RELN: variants seen among roughly 807,000 people sequenced by gnomAD.
RELN encodes the protein reelin.
Under a neutral mutation model 427.6 loss-of-function variants are expected in RELN, and 108 were observed. The observed-to-expected ratio is 0.25, with a 90% CI of 0.22 to 0.30. RELN has a LOEUF of 0.30. Among genes scored for constraint, RELN ranks in the 10% least tolerant of loss-of-function variants. The pLI, the probability that RELN is intolerant of heterozygous loss-of-function variation, is 1.00. For missense variants in RELN, 3,715 were observed against 4,302.8 expected (o/e 0.86, Z 3.82); for synonymous variants, 1,524 against 1,513.4 (o/e 1.01, Z -0.16).
intron 3 of RELN, among the ~76,000 whole-genome samples, chr7:103,823,756 T>C (rs1793064671): frequency 6.6e-6 from 1 of 152,262 alleles, no homozygotes; most frequent in African/African-American, 2.4e-5. Flanking sequence ...CTATTAATTA[T>C]TGTATCATAC....
chr7:103,933,424 G>A (rs1256754612), intron 1 of RELN, among the ~76,000 whole-genome samples: 2 of 145,062 alleles, frequency 1.4e-5, no homozygotes, highest in Admixed American at 7.2e-5. Flanking sequence ...GCCAGGCATA[G>A]TCACTCATGC....
intron 2 of RELN, among the ~76,000 whole-genome samples, chr7:103,875,146 G>C (rs1794448753): frequency 6.8e-6 from 1 of 146,864 alleles, no homozygotes; most frequent in South Asian, 2.4e-4. Context: ...GGGAAAACTG[G>C]CTAGCCATAT....
intron 2 of RELN, among the ~76,000 whole-genome samples, chr7:103,885,424 C>A (rs1794703714): frequency 6.6e-6 from 1 of 152,076 alleles, no homozygotes; most frequent in African/African-American, 2.4e-5. Flanking sequence ...AGGTTGAGTT[C>A]ATGTCCTTTG....
In RELN at chr7:103,731,217, T is replaced by C. The variant is rs80040236; in HGVS notation, c.657-3010A>G. ...AAGGAGATGGTCCCGGAACTGGTCC[T>C]GAATGAGAAACAGGAGTTACTCAAG... is the stretch of plus-strand genomic sequence containing the variant. On this transcript the variant is annotated intron_variant, in intron 6 of 64. Transcript: ENST00000428762. Among the ~76,000 whole-genome samples the C allele has an allele frequency of 7.2e-4, 110 of 152,218 alleles. 2 individuals are homozygous for C. In the East Asian group the frequency reaches 0.017, roughly 24 times the overall value.
At chr7:103,936,830 C>T (rs1024106409) in intron 1 of RELN, among the ~76,000 whole-genome samples, 3 of 152,112 alleles carry the variant, frequency 2.0e-5, no homozygotes, top group African/African-American at 7.2e-5. Context: ...AGTTCCCTAA[C>T]TTTCCATGTG....
chr7:103,736,178 T>A (rs1336817058), intron 6 of RELN, among the ~76,000 whole-genome samples: 1 of 152,190 alleles, frequency 6.6e-6, no homozygotes, highest in Non-Finnish European at 1.5e-5. Context: ...TCCGAGACAC[T>A]AGAACTCTTT....
At chr7:103,778,400 G>A (rs113469861) in intron 3 of RELN, among the ~76,000 whole-genome samples, 38 of 152,142 alleles carry the variant, frequency 2.5e-4, no homozygotes, top group African/African-American at 8.4e-4. Context: ...AAAGTCCTAC[G>A]ACAGGCAATG....
intron 1 of RELN, among the ~76,000 whole-genome samples, chr7:103,963,128 C>T (rs559685080): frequency 4.2e-5 from 3 of 71,040 alleles, no homozygotes; most frequent in South Asian, 4.2e-4. Flanking sequence ...CTCCTCTTTT[C>T]GCCTTCTTTT....
chr7:103,732,498 G>A (rs1790379131), intron 6 of RELN, among the ~76,000 whole-genome samples: 2 of 152,124 alleles, frequency 1.3e-5, no homozygotes, highest in African/African-American at 4.8e-5. Flanking sequence ...TTATGATAAA[G>A]GGAAAGATAA....
At chr7:103,897,398 C>T (rs534048835) in intron 2 of RELN, among the ~76,000 whole-genome samples, 1 of 152,088 alleles carries the variant, frequency 6.6e-6, no homozygotes, top group African/African-American at 2.4e-5. Flanking sequence ...CTTGTGTGTT[C>T]GTCTTCTGTG....
rs1310747783 is a variant in RELN, at chr7:103,626,041, G to A, written c.2702+3899C>T. On this transcript the variant is annotated intron_variant, in intron 20 of 64. Transcript: ENST00000428762. The surrounding 1 kb of genome is among the most constrained non-coding windows in gnomAD (Gnocchi z 4.4). ...GATGAAAGACAAAGATGGGATGAAT[G>A]GGTAGAAATTCTGGGTGGAGCTAGA... Among the ~76,000 whole-genome samples the A allele has an allele frequency of 2.0e-5, 3 of 151,982 alleles. No individual in the cohort carries two copies. Among genetic ancestry groups the A allele is most frequent in the African/African-American group, 7.2e-5 (3 of 41,406 alleles).
chr7:103,753,713 C>T (rs570377), intron 4 of RELN, among the ~76,000 whole-genome samples: 77,594 of 151,942 alleles, frequency 0.51, 20,180 homozygotes, highest in Non-Finnish European at 0.57. Flanking sequence ...CATGAATTTC[C>T]TAACGTGAAT....
Position 103,824,207 on chromosome 7 carries a change from CT to C in RELN, c.473+9329del, listed in dbSNP as rs368801365. 1.1e-3 allele frequency among the ~76,000 whole-genome samples: 166 copies of C among 148,596 alleles called. 1 individual carries two copies. Among genetic ancestry groups the C allele is most frequent in the African/African-American group, 4.1e-3 (157 of 38,216 alleles). On this transcript the variant is annotated intron_variant, in intron 3 of 64. Coordinates refer to ENST00000428762, the MANE Select transcript of RELN (RefSeq NM_005045.4). The surrounding 1 kb of genome is among the most constrained non-coding windows in gnomAD (Gnocchi z 4.4). ...TCTGCCATTATCTCTTCAAATTTGT[CT>C]TATTATTTTTATTCTCTCCTTCTAA... is the stretch of plus-strand genomic sequence containing the variant.
At chr7:103,692,352 C>T (rs1287144240) in intron 10 of RELN, among the ~76,000 whole-genome samples, 1 of 152,074 alleles carries the variant, frequency 6.6e-6, no homozygotes, top group Non-Finnish European at 1.5e-5. Flanking sequence ...AGAGAATCTA[C>T]TGGTAGATTC....
intron 1 of RELN, among the ~76,000 whole-genome samples, chr7:103,961,691 G>A (rs540422120): frequency 3.9e-5 from 6 of 152,264 alleles, no homozygotes; most frequent in Non-Finnish European, 5.9e-5. Flanking sequence ...ATTCTGCTCT[G>A]CCTCTTATTA....
chr7:103,558,454 T>C (rs1049024657), intron 36 of RELN, among the ~76,000 whole-genome samples: 10 of 152,296 alleles, frequency 6.6e-5, no homozygotes, highest in South Asian at 4.1e-4. Flanking sequence ...GATAGGTGAC[T>C]TTCTCAGGGT....
intron 57 of RELN, 110 bp from the exon 58 acceptor site, chr7:103,492,136 A>C (rs1166403695): frequency 3.7e-5 from 32 of 860,908 alleles, no homozygotes; most frequent in Non-Finnish European, 5.9e-5. Context: ...TATTCAGAGA[A>C]GCTTTTATAG....
At chr7:103,923,922 G>C (rs1305427335) in intron 1 of RELN, among the ~76,000 whole-genome samples, 1 of 152,072 alleles carries the variant, frequency 6.6e-6, no homozygotes, top group Non-Finnish European at 1.5e-5. Flanking sequence ...ATCTTTTATA[G>C]GTATTAATCT....
chr7:103,561,725 A>G lies in RELN; in HGVS notation c.5352-16T>C. On this transcript the variant is annotated splice_polypyrimidine_tract_variant and intron_variant, in intron 35 of 64. Coordinates refer to ENST00000428762, the MANE Select transcript of RELN (RefSeq NM_005045.4). ...CCGGTCACACCTAAGAAAGAGAGGG[A>G]GTGGAGAAAAGACATTTGTCACACG... is the stretch of plus-strand genomic sequence containing the variant. The G allele has an allele frequency of 2.5e-6, 4 of 1,613,898 alleles. No individual in the cohort carries two copies. Among genetic ancestry groups the G allele is most frequent in the Non-Finnish European group, 2.5e-6 (3 of 1,179,882 alleles).
Sources: gnomAD v4.1 joint callset for allele counts (sites outside exome capture counted in the v4.1 genomes callset) on GRCh38, gnomAD v4.1.1 for gene constraint, Gnocchi (gnomAD v3.1) non-coding constraint, MANE v1.5 for transcripts, NCBI Gene and HGNC (gene_info 2026-07-23, HGNC 2026-07-21) for gene names.